NIPA2: variants seen among roughly 807,000 people sequenced by gnomAD.
NIPA2 encodes magnesium transporter NIPA2.
A neutral mutation model predicts 29.7 loss-of-function variants in NIPA2; 11 were observed. The ratio of observed to expected loss-of-function variants is 0.37; its 90% CI spans 0.23 to 0.61. The LOEUF is 0.61. Among genes scored for constraint, NIPA2 ranks in the 20% least tolerant of loss-of-function variants. The pLI, the probability that NIPA2 is intolerant of heterozygous loss-of-function variation, is 0.66. For synonymous variants in NIPA2, 183 were observed against 161.9 expected (o/e 1.13, Z -0.99); for missense variants, 426 against 437.9 (o/e 0.97, Z 0.24).
At chr15:22,862,403 T>A (rs2058687884) in intron 7 of NIPA2, among the ~76,000 whole-genome samples, 1 of 152,152 alleles carries the variant, frequency 6.6e-6, no homozygotes, top group Non-Finnish European at 1.5e-5. Flanking sequence ...TCCTTTGATA[T>A]TCTTGTTTGC....
intron 7 of NIPA2, among the ~76,000 whole-genome samples, chr15:22,862,358 A>G (rs1050319395): frequency 1.3e-5 from 2 of 151,994 alleles, no homozygotes; most frequent in African/African-American, 2.4e-5. Flanking sequence ...TGATCTGAAA[A>G]TTTATGTCTG....
chr15:22,849,372 C>G (rs974969964), intron 3 of NIPA2, among the ~76,000 whole-genome samples: 1 of 147,636 alleles, frequency 6.8e-6, no homozygotes, highest in African/African-American at 2.5e-5. Context: ...AACTCCCCAC[C>G]TAAGACTTTT....
chr15:22,852,650 A>G (rs532909402), intron 4 of NIPA2, among the ~76,000 whole-genome samples: 1 of 152,208 alleles, frequency 6.6e-6, no homozygotes, highest in African/African-American at 2.4e-5. Context: ...TTCTCTAGAA[A>G]TCACTGACAA....
Position 22,866,254 on chromosome 15 carries a change from A to C in NIPA2, c.490A>C (p.Ile164Leu). 2 of 1,613,980 alleles carry C rather than the reference A, an allele frequency of 1.2e-6. No individual in the cohort carries two copies. The highest frequency in any genetic ancestry group is 1.7e-6 in the Non-Finnish European group (2 of 1,179,886). Residue 164 changes from isoleucine to leucine, a missense_variant, in exon 8 of 8, where the codon ATA becomes CTA. Physicochemically the swap from Ile to Leu is conservative, Grantham distance 5. Coordinates refer to ENST00000337451, the MANE Select transcript of NIPA2 (RefSeq NM_030922.7). ...AACCCTTGTGGTCATTGTGGCCTTG[A>C]TATTAATCTTCGTGGTGGGTCCTCG... Reference protein sequence around the residue: ...FATLVVIVALILIFVVGPRHG... With the variant: ...FATLVVIVALLLIFVVGPRHG...
At chr15:22,843,252 C>T (rs965978371) in intron 2 of NIPA2, among the ~76,000 whole-genome samples, 1 of 152,060 alleles carries the variant, frequency 6.6e-6, no homozygotes, top group African/African-American at 2.4e-5. Flanking sequence ...CGCCTGTAAT[C>T]CCAGCACTTT....
chr15:22,844,734 A>G (rs542062306), intron 2 of NIPA2, among the ~76,000 whole-genome samples: 1 of 152,182 alleles, frequency 6.6e-6, no homozygotes, highest in Non-Finnish European at 1.5e-5. Context: ...AGCCTGGGAA[A>G]CAGAGTGAGA....
At chr15:22,858,518 T>G in intron 5 of NIPA2, 22 bp from the exon 6 acceptor site, 1 of 1,565,144 alleles carries the variant, frequency 6.4e-7, no homozygotes. Flanking sequence ...CCTGAGTTTT[T>G]CTTTTGTTGT....
At chr15:22,858,459 G>A in intron 5 of NIPA2, 81 bp from the exon 6 acceptor site, 1 of 716,232 alleles carries the variant, frequency 1.4e-6, no homozygotes, top group South Asian at 1.7e-5. Context: ...ATAATATATA[G>A]ATAGTGCATA....
Position 22,866,764 on chromosome 15 carries a change from A to AATG in NIPA2, c.1002_1004dup (p.Asn334_Glu335insAsp), listed in dbSNP as rs576755299. 5.7e-3 allele frequency: 9,182 copies of AATG among 1,613,366 alleles called. 65 individuals are homozygous for AATG. Among genetic ancestry groups the AATG allele is most frequent in the Middle Eastern group, 0.017 (105 of 6,056 alleles). On this transcript the variant is annotated inframe_insertion, in exon 8 of 8. Coordinates refer to ENST00000337451, the MANE Select transcript of NIPA2 (RefSeq NM_030922.7). The stretch of plus-strand genomic sequence containing the variant: ...TAATATGTATGAAGTTCTTAATAAT[A>AATG]ATGAAGAAAGCTTAACCTGTGGAAT...
At chr15:22,842,100 G>A (rs1897243058) in intron 2 of NIPA2, among the ~76,000 whole-genome samples, 1 of 152,034 alleles carries the variant, frequency 6.6e-6, no homozygotes, top group Non-Finnish European at 1.5e-5. Flanking sequence ...TCTTTATTTC[G>A]TTTATTATTT....
chr15:22,865,709 A>G (rs1423315812), intron 7 of NIPA2, among the ~76,000 whole-genome samples: 1 of 152,172 alleles, frequency 6.6e-6, no homozygotes, highest in Non-Finnish European at 1.5e-5. Flanking sequence ...TCCGTATTCA[A>G]CCAGAACCCC....
Position 22,848,825 on chromosome 15 carries a change from C to CAAAAAA in NIPA2, c.-93-2793_-93-2788dup, listed in dbSNP as rs35853443. ...GGGTGACAGAGCAAGACTCTTGTCT[C>CAAAAAA]AAAAAAAAAAAAAAAAAAAAAAAAA... On this transcript the variant is annotated intron_variant, in intron 3 of 7. Transcript: ENST00000337451. Among the ~76,000 whole-genome samples the CAAAAAA allele has an allele frequency of 1.5e-4, 10 of 66,708 alleles. 1 individual carries two copies. The highest frequency in any genetic ancestry group is 2.6e-4 in the Non-Finnish European group (10 of 37,924). The allele number at this position is 66,708 out of a possible 152,430, so 43.8% of individuals were successfully genotyped here. A position where few individuals can be genotyped will look rare whatever the true frequency, so the allele number is the denominator to read the frequency against.
rs547883646 is a variant in NIPA2, at chr15:22,867,153, A to G, written c.*306A>G. On this transcript the variant is annotated 3_prime_UTR_variant, in exon 8 of 8. Transcript: ENST00000337451. ...AGTTTTAAGTCTATGAAAATGCTTT[A>G]TTTTTTCATTGGTGATGAAAGTCTG... The G allele has an allele frequency of 2.2e-6, 1 of 445,710 alleles. No homozygotes were observed. The highest frequency in any genetic ancestry group is 3.3e-5 in the East Asian group (1 of 29,884). 27.6% of individuals were successfully genotyped at this position (445,710 alleles called of 1,614,324 possible). A position where few individuals can be genotyped will look rare whatever the true frequency, so the allele number is the denominator to read the frequency against.
At chr15:22,857,941 G>A (rs1388547479) in intron 5 of NIPA2, among the ~76,000 whole-genome samples, 3 of 151,760 alleles carry the variant, frequency 2.0e-5, no homozygotes, top group African/African-American at 7.3e-5. Flanking sequence ...TACTGTCCTG[G>A]GATATAAGTA....
intron 2 of NIPA2, among the ~76,000 whole-genome samples, chr15:22,841,595 G>A (rs1460348100): frequency 6.6e-6 from 1 of 151,822 alleles, no homozygotes; most frequent in East Asian, 1.9e-4. Context: ...TGCAACCTCC[G>A]CCCTCCAGTT....
rs762363543 is a variant in NIPA2 at position 22,867,848 on chromosome 15, G to GTT, written c.*1003_*1004dup. On this transcript the variant is annotated 3_prime_UTR_variant, in exon 8 of 8. Transcript: ENST00000337451. ...CTACATATTTTGGTTTCTAGAAAAT[G>GTT]TTTGTTTATGAAGAAGTCGATGGAA... 3 of 152,072 alleles carry GTT rather than the reference G, an allele frequency of 2.0e-5. No individual in the cohort carries two copies. The highest frequency in any genetic ancestry group is 4.4e-5 in the Non-Finnish European group (3 of 68,002). The allele number at this position is 152,072 out of a possible 1,614,324, so 9.4% of individuals were successfully genotyped here.
In NIPA2 at chr15:22,854,116, T is replaced by C. The variant is rs559492916; in HGVS notation, c.196+848T>C. On this transcript the variant is annotated intron_variant, in intron 5 of 7. Coordinates refer to ENST00000337451, the MANE Select transcript of NIPA2 (RefSeq NM_030922.7). ...CTGGGATTACAGGCGTGAGCCACCATGCCCAGCCGTTACTTATTTATTTAT... is the reference window on the plus strand; with the variant it reads ...CTGGGATTACAGGCGTGAGCCACCACGCCCAGCCGTTACTTATTTATTTAT... 1.3e-4 allele frequency among the ~76,000 whole-genome samples: 20 copies of C among 151,922 alleles called. No homozygotes were observed. In the East Asian group the frequency reaches 3.9e-3, roughly 30 times the overall value.
At chr15:22,855,980 C>T (rs1195231568) in intron 5 of NIPA2, among the ~76,000 whole-genome samples, 1 of 152,168 alleles carries the variant, frequency 6.6e-6, no homozygotes, top group Non-Finnish European at 1.5e-5. Flanking sequence ...AAGAATACCA[C>T]AGAAGTGATG....
intron 5 of NIPA2, among the ~76,000 whole-genome samples, chr15:22,857,070 GT>G (rs2058229855): frequency 6.6e-6 from 1 of 151,310 alleles, no homozygotes; most frequent in Non-Finnish European, 1.5e-5. Flanking sequence ...TTCCCTCACT[GT>G]TTTTCTTCAT....
Sources: gnomAD v4.1 joint callset for allele counts (sites outside exome capture counted in the v4.1 genomes callset) on GRCh38, gnomAD v4.1.1 for gene constraint, MANE v1.5 for transcripts, NCBI Gene and HGNC (gene_info 2026-07-23, HGNC 2026-07-21) for gene names.